The following ADGRV1 variants were observed in gnomAD, a reference collection of about 807,000 sequenced individuals.
ADGRV1 encodes the protein G-protein coupled receptor 98.
ADGRV1 carries 359 observed loss-of-function variants against 596.2 expected under a neutral mutation model. The observed-to-expected ratio is 0.60, with a 90% CI of 0.55 to 0.66. The LOEUF (loss-of-function observed/expected upper bound fraction) is 0.66, where lower values mean the gene tolerates loss of function less well. Ranked by LOEUF, ADGRV1 falls within the 30% of genes least tolerant of loss-of-function variation. ADGRV1 has a pLI of 0.00. For missense variants in ADGRV1, 7,274 were observed against 7,575.6 expected, an observed-to-expected ratio of 0.96 and a Z score of 1.48; for synonymous variants, 2,681 against 2,679.2, an observed-to-expected ratio of 1.00 and a Z score of -0.02.
At chr5:90,788,483 C>T (rs1472390265) in intron 68 of ADGRV1, among the ~76,000 whole-genome samples, 173 bp downstream of exon 68, 1 of 152,062 alleles carries the variant, frequency 6.6e-6, no homozygotes, top group Non-Finnish European at 1.5e-5. Context: ...CAGCTCATTG[C>T]ATAGCCTGAT....
At chr5:90,988,476 AC>A (rs1436002507) in intron 85 of ADGRV1, among the ~76,000 whole-genome samples, 1 of 152,208 alleles carries the variant, frequency 6.6e-6, no homozygotes, top group Non-Finnish European at 1.5e-5. Context: ...ACTTTGGTCT[AC>A]TTTTCCCCCT....
chr5:90,939,815 G>A (rs1180877162), intron 83 of ADGRV1, among the ~76,000 whole-genome samples: 1 of 152,010 alleles, frequency 6.6e-6, no homozygotes, highest in Non-Finnish European at 1.5e-5. Flanking sequence ...CCTTAGAAAA[G>A]CCCTGTAAGT....
intron 27 of ADGRV1, among the ~76,000 whole-genome samples, chr5:90,682,020 C>A (rs1745012359): frequency 6.6e-6 from 1 of 152,072 alleles, no homozygotes; most frequent in African/African-American, 2.4e-5. Context: ...GCATGCACCA[C>A]CACGCCCGGC....
chr5:91,125,464 G>A (rs1793668621), intron 87 of ADGRV1, among the ~76,000 whole-genome samples: 1 of 152,164 alleles, frequency 6.6e-6, no homozygotes, highest in Admixed American at 6.5e-5. Flanking sequence ...ATCCCTGAAA[G>A]TACATTGACA....
chr5:90,561,917 C>T (rs1169266857), intron 1 of ADGRV1, among the ~76,000 whole-genome samples: 1 of 152,102 alleles, frequency 6.6e-6, no homozygotes, highest in African/African-American at 2.4e-5. Context: ...TTTACCTCCC[C>T]ACCACTCTGT....
At chr5:90,966,549 A>AAC (rs1778486227) in intron 84 of ADGRV1, among the ~76,000 whole-genome samples, 3 of 150,430 alleles carry the variant, frequency 2.0e-5, no homozygotes, top group Non-Finnish European at 3.0e-5. Flanking sequence ...AAAAAAAAAA[A>AAC]ATAGAAAGAA....
intron 68 of ADGRV1, among the ~76,000 whole-genome samples, chr5:90,788,863 G>C (rs1041864405): frequency 2.0e-5 from 3 of 146,938 alleles, no homozygotes; most frequent in African/African-American, 7.5e-5. Context: ...CACAGACACA[G>C]ACACACACAC....
chr5:91,026,504 G>T (rs1784027516), intron 85 of ADGRV1, among the ~76,000 whole-genome samples: 1 of 152,120 alleles, frequency 6.6e-6, no homozygotes, highest in Non-Finnish European at 1.5e-5. Flanking sequence ...CTCTATTCTT[G>T]ATATTGAATT....
At chr5:91,052,903 A>C (rs1036056251) in intron 85 of ADGRV1, among the ~76,000 whole-genome samples, 1 of 152,164 alleles carries the variant, frequency 6.6e-6, no homozygotes, top group Non-Finnish European at 1.5e-5. Flanking sequence ...ATGCTTCTAT[A>C]GTATTCTTCA....
chr5:90,899,951 A>T (rs987978275), intron 83 of ADGRV1, among the ~76,000 whole-genome samples: 1 of 152,294 alleles, frequency 6.6e-6, no homozygotes, highest in Admixed American at 6.5e-5. Flanking sequence ...CCTTGCATCC[A>T]GTTCTTTGAG....
chr5:90,675,480 A>C, intron 24 of ADGRV1, 35 bp downstream of exon 24: 5 of 1,556,394 alleles, frequency 3.2e-6, no homozygotes, highest in Non-Finnish European at 4.4e-6. Context: ...TTGTATTTGC[A>C]CTTGTAAAAC....
intron 38 of ADGRV1, among the ~76,000 whole-genome samples, chr5:90,706,982 G>A (rs1194958876): frequency 6.6e-6 from 1 of 151,826 alleles, no homozygotes; most frequent in Non-Finnish European, 1.5e-5. Flanking sequence ...ATTTTCTTAG[G>A]GCAGTCACCT....
chr5:91,028,254 C>T (rs774313106), intron 85 of ADGRV1, among the ~76,000 whole-genome samples: 45 of 152,042 alleles, frequency 3.0e-4, no homozygotes, highest in Non-Finnish European at 5.9e-4. Context: ...ATTCCCTCTT[C>T]TCCCTCATAT....
chr5:91,001,282 T>TA (rs1781838354), intron 85 of ADGRV1, among the ~76,000 whole-genome samples: 1 of 152,090 alleles, frequency 6.6e-6, no homozygotes, highest in Non-Finnish European at 1.5e-5. Context: ...CTCACTATGT[T>TA]ACCCAGGCTG....
At chr5:91,098,237 A>T (rs995731426) in intron 86 of ADGRV1, among the ~76,000 whole-genome samples, 1 of 152,182 alleles carries the variant, frequency 6.6e-6, no homozygotes, top group South Asian at 2.1e-4. Flanking sequence ...CAGTTTGCCA[A>T]ATGGAATTTA....
chr5:91,073,695 G>A (rs1280817569), intron 86 of ADGRV1, among the ~76,000 whole-genome samples: 1 of 152,032 alleles, frequency 6.6e-6, no homozygotes, highest in African/African-American at 2.4e-5. Context: ...CATTGTGTTG[G>A]CAGAATTTTC....
chr5:90,760,275 C>CAAA (rs5869517), intron 58 of ADGRV1, among the ~76,000 whole-genome samples: 15 of 77,578 alleles, frequency 1.9e-4, no homozygotes, highest in South Asian at 4.3e-4. Flanking sequence ...GACTTCGTCT[C>CAAA]AAAAAAAAAA....
At chr5:90,633,779 A>G (rs1765798791) in intron 9 of ADGRV1, among the ~76,000 whole-genome samples, 1 of 152,186 alleles carries the variant, frequency 6.6e-6, no homozygotes, top group Non-Finnish European at 1.5e-5. Flanking sequence ...ATACTTGACA[A>G]AATTGATCAA....
At chr5:91,146,384 G>A (rs928154792) in intron 87 of ADGRV1, among the ~76,000 whole-genome samples, 1 of 152,206 alleles carries the variant, frequency 6.6e-6, no homozygotes, top group Non-Finnish European at 1.5e-5. Context: ...TACAAATTTT[G>A]AGTTGCTGTC....
Sources: allele counts gnomAD v4.1 joint callset (sites outside exome capture counted in the v4.1 genomes callset), GRCh38; gene constraint gnomAD v4.1.1; transcripts MANE v1.5; gene names NCBI Gene and HGNC (gene_info 2026-07-23, HGNC 2026-07-21).